TLE4: variants seen among roughly 807,000 people sequenced by gnomAD.
TLE4 encodes the protein transducin-like enhancer protein 4.
In TLE4, 8 loss-of-function variants were observed where a neutral mutation model predicts 92.8. The ratio of observed to expected loss-of-function variants is 0.09; its 90% CI spans 0.05 to 0.16. The LOEUF (loss-of-function observed/expected upper bound fraction) is 0.16, where lower values mean the gene tolerates loss of function less well. Ranked by LOEUF, TLE4 falls within the 10% of genes least tolerant of loss-of-function variation. The pLI is 1.00. For missense variants in TLE4, 675 were observed against 997.6 expected (o/e 0.68, Z 4.36); for synonymous variants, 371 against 374.1 (o/e 0.99, Z 0.10).
At chr9:79,671,891 T>C (rs2134890818) in intron 8 of TLE4, among the ~76,000 whole-genome samples, 1 of 151,340 alleles carries the variant, frequency 6.6e-6, no homozygotes, top group Non-Finnish European at 1.5e-5. Flanking sequence ...CTGGTTGCTT[T>C]GTTTTCAGTG....
At chr9:79,584,066 G>A (rs1026859836) in intron 4 of TLE4, among the ~76,000 whole-genome samples, 15 of 152,216 alleles carry the variant, frequency 9.9e-5, no homozygotes, top group Admixed American at 9.2e-4. Flanking sequence ...GCAGGTCAGC[G>A]AATGCGCCTG....
intron 10 of TLE4, 92 bp downstream of exon 10, chr9:79,706,034 T>A (rs1189850097): frequency 8.1e-7 from 1 of 1,231,014 alleles, no homozygotes; most frequent in Non-Finnish European, 1.2e-6. Context: ...ATCTTGAGGT[T>A]TGTCGTTTTG....
intron 6 of TLE4, among the ~76,000 whole-genome samples, chr9:79,650,650 TAAATG>T (rs893888876): frequency 3.3e-5 from 5 of 152,148 alleles, no homozygotes; most frequent in African/African-American, 1.2e-4. Context: ...TTTGGCCACT[TAAATG>T]AAGAGAATCA....
At chr9:79,638,941 A>G (rs1485223219) in intron 6 of TLE4, among the ~76,000 whole-genome samples, 1 of 152,132 alleles carries the variant, frequency 6.6e-6, no homozygotes, top group Non-Finnish European at 1.5e-5. Flanking sequence ...TATCAAGGCT[A>G]AAGCATTCCA....
intron 4 of TLE4, among the ~76,000 whole-genome samples, chr9:79,584,153 G>T (rs1176106167): frequency 6.6e-6 from 1 of 152,210 alleles, no homozygotes; most frequent in African/African-American, 2.4e-5. Context: ...TCCCTTCGCT[G>T]ACCATGCTGT....
At chr9:79,573,611 G>A in intron 1 of TLE4, 78 bp from the exon 2 acceptor site, 1 of 1,233,086 alleles carries the variant, frequency 8.1e-7, no homozygotes, top group South Asian at 1.5e-5. Context: ...CCCCGCTAAC[G>A]CCGCATAGTA....
chr9:79,644,458 T>C (rs545430090), intron 6 of TLE4, among the ~76,000 whole-genome samples: 2 of 152,154 alleles, frequency 1.3e-5, no homozygotes, highest in East Asian at 1.9e-4. Context: ...CCTTGGGAGG[T>C]AGATTTTGTA....
At chr9:79,625,312 C>T (rs1218462158) in intron 5 of TLE4, among the ~76,000 whole-genome samples, 1 of 152,096 alleles carries the variant, frequency 6.6e-6, no homozygotes. Flanking sequence ...AGCCACCGCG[C>T]CCGGCCTTAA....
At chr9:79,645,159 C>CA (rs1235152170) in intron 6 of TLE4, among the ~76,000 whole-genome samples, 1 of 152,188 alleles carries the variant, frequency 6.6e-6, no homozygotes, top group Non-Finnish European at 1.5e-5. Flanking sequence ...GTCCTTTTGA[C>CA]ACAATATCCG....
At chr9:79,680,702 G>A (rs1480163986) in intron 8 of TLE4, among the ~76,000 whole-genome samples, 1 of 152,136 alleles carries the variant, frequency 6.6e-6, no homozygotes, top group African/African-American at 2.4e-5. Flanking sequence ...CCTGTCTTGT[G>A]CCAGTTTTCA....
At chr9:79,593,842 G>T (rs2043274332) in intron 4 of TLE4, among the ~76,000 whole-genome samples, 1 of 152,100 alleles carries the variant, frequency 6.6e-6, no homozygotes, top group South Asian at 2.1e-4. Context: ...TGAAACCTCA[G>T]ATCTTTAAAA....
At chr9:79,578,942 CAAAA>C (rs11322127) in intron 4 of TLE4, among the ~76,000 whole-genome samples, 1 of 101,282 alleles carries the variant, frequency 9.9e-6, no homozygotes. Flanking sequence ...GCAGATGAAG[CAAAA>C]AAAAAAAAAA....
At chr9:79,675,882 T>C (rs1424801883) in intron 8 of TLE4, among the ~76,000 whole-genome samples, 1 of 152,190 alleles carries the variant, frequency 6.6e-6, no homozygotes, top group Admixed American at 6.6e-5. Flanking sequence ...ATTTGCATTA[T>C]ACTCACTGGT....
chr9:79,690,273 G>A (rs2066772470), intron 8 of TLE4, among the ~76,000 whole-genome samples: 1 of 152,190 alleles, frequency 6.6e-6, no homozygotes, highest in Non-Finnish European at 1.5e-5. Context: ...GGAAGTGTCA[G>A]TGGGTAAATT....
chr9:79,614,429 A>G (rs79666500), intron 5 of TLE4, among the ~76,000 whole-genome samples: 300 of 152,192 alleles, frequency 2.0e-3, no homozygotes, highest in African/African-American at 6.5e-3. Flanking sequence ...TCCCACATGA[A>G]TTATGTTGTT....
At chr9:79,690,981 C>T (rs2066955527) in intron 8 of TLE4, among the ~76,000 whole-genome samples, 1 of 152,064 alleles carries the variant, frequency 6.6e-6, no homozygotes, top group Non-Finnish European at 1.5e-5. Context: ...ATTGCAAATG[C>T]ATGAAGATGG....
In TLE4 at chr9:79,611,813, TGTA is replaced by T. The variant is rs556324401; in HGVS notation, c.253-840_253-838del. 2.0e-4 allele frequency among the ~76,000 whole-genome samples: 30 copies of T among 151,782 alleles called. No individual in the cohort carries two copies. The East Asian group carries it at 3.9e-3, about 20-fold the overall frequency. The stretch of plus-strand genomic sequence containing the variant: ...TGTGAGTAACTTTTTAAAGAAAACA[TGTA>T]GTGGTGGTTTTTCTTTTAACTTACT... On this transcript the variant is annotated intron_variant, in intron 4 of 19. Coordinates refer to ENST00000376552, the MANE Select transcript of TLE4 (RefSeq NM_007005.6).
At chr9:79,695,873 G>T (rs966617624) in intron 8 of TLE4, among the ~76,000 whole-genome samples, 2 of 152,230 alleles carry the variant, frequency 1.3e-5, no homozygotes, top group Admixed American at 6.5e-5. Context: ...GGATGAAAAC[G>T]TTTGGGTTGT....
rs912816359 is a variant in TLE4 at position 79,668,880 on chromosome 9, A to G, written c.609+14805A>G. ...GTATTTTTAGTGAAATAGCAAAAGC[A>G]TGTCAACAATGTAGCTGCAGATGAT... On this transcript the variant is annotated intron_variant, in intron 8 of 19. Coordinates refer to ENST00000376552, the MANE Select transcript of TLE4 (RefSeq NM_007005.6). 5 of 961,978 alleles carry G rather than the reference A, an allele frequency of 5.2e-6. No homozygotes were observed. The Admixed American group carries it at 1.8e-4, about 36-fold the overall frequency. 59.6% of individuals were successfully genotyped at this position (961,978 alleles called of 1,614,324 possible).
Sources: gnomAD v4.1 joint callset for allele counts (sites outside exome capture counted in the v4.1 genomes callset) on GRCh38, gnomAD v4.1.1 for gene constraint, MANE v1.5 for transcripts, NCBI Gene and HGNC (gene_info 2026-07-23, HGNC 2026-07-21) for gene names.